PIEZO2: variants seen among roughly 807,000 people sequenced by gnomAD.
PIEZO2 encodes piezo-type mechanosensitive ion channel component 2.
A neutral mutation model predicts 337.3 loss-of-function variants in PIEZO2; 172 were observed. That is an observed-to-expected ratio of 0.51 (90% CI 0.45 to 0.58). PIEZO2 has a LOEUF of 0.58. Among genes scored for constraint, PIEZO2 ranks in the 20% least tolerant of loss-of-function variants. PIEZO2 has a pLI of 0.00. For missense variants in PIEZO2, 3,028 were observed against 3,391.3 expected (o/e 0.89, Z 2.66); for synonymous variants, 1,251 against 1,228.5 (o/e 1.02, Z -0.38).
At position 10,980,831 on chromosome 18, in the gene PIEZO2, A is replaced by G. The variant is rs139121515; in HGVS notation, c.161-1171T>C. 6.6e-6 allele frequency among the ~76,000 whole-genome samples: 1 copy of G among 152,230 alleles called. No individual in the cohort carries two copies. Among genetic ancestry groups the G allele is most frequent in the South Asian group, 2.1e-4 (1 of 4,830 alleles). The stretch of plus-strand genomic sequence containing the variant: ...GTAAATCACAGTTATTTAATCAAAT[A>G]CAAATCTAGGCACTGCTGTGAGTTT... On this transcript the variant is annotated intron_variant, in intron 2 of 55. Transcript: ENST00000674853. The surrounding 1 kb of genome is among the most constrained non-coding windows in gnomAD (Gnocchi z 4.8).
At chr18:10,851,023 G>A (rs544999801) in intron 7 of PIEZO2, among the ~76,000 whole-genome samples, 27 of 152,210 alleles carry the variant, frequency 1.8e-4, no homozygotes, top group Admixed American at 1.2e-3. Context: ...ATCTATCCAG[G>A]AAGTGAGACA....
intron 39 of PIEZO2, among the ~76,000 whole-genome samples, chr18:10,710,389 C>G (rs972220652): frequency 1.8e-4 from 28 of 152,218 alleles, no homozygotes; most frequent in African/African-American, 6.8e-4. Context: ...CGGGCCCCCC[C>G]ACTGCCAGCA....
At chr18:10,797,842 G>A (rs1598494815) in intron 11 of PIEZO2, among the ~76,000 whole-genome samples, 1 of 152,182 alleles carries the variant, frequency 6.6e-6, no homozygotes, top group East Asian at 1.9e-4. Context: ...CTCGAGTGTG[G>A]GTGGGACCTG....
Position 10,691,210 on chromosome 18 carries a change from T to C in PIEZO2, c.7349+15A>G. 6.2e-7 allele frequency: 1 copy of C among 1,610,558 alleles called. No individual in the cohort carries two copies. Among genetic ancestry groups the C allele is most frequent in the South Asian group, 1.1e-5 (1 of 90,236 alleles). ...CTTCCCCCATAAGTGACTGTGACGTTGCAGAGCGTCCTACCCTTGGAATAA... is the reference window on the plus strand; with the variant it reads ...CTTCCCCCATAAGTGACTGTGACGTCGCAGAGCGTCCTACCCTTGGAATAA... On this transcript the variant is annotated intron_variant, in intron 48 of 55. Coordinates refer to ENST00000674853, the MANE Select transcript of PIEZO2 (RefSeq NM_001378183.1).
intron 3 of PIEZO2, among the ~76,000 whole-genome samples, chr18:10,961,908 T>C (rs2145382143): frequency 6.6e-6 from 1 of 152,292 alleles, no homozygotes; most frequent in South Asian, 2.1e-4. Context: ...GGACTTTCCC[T>C]AGAGATCCAT....
chr18:10,688,135 T>A (rs2034634130), intron 49 of PIEZO2, among the ~76,000 whole-genome samples: 1 of 152,110 alleles, frequency 6.6e-6, no homozygotes, highest in Non-Finnish European at 1.5e-5. Context: ...TAGGTATTTG[T>A]CCTAATACTA....
intron 2 of PIEZO2, among the ~76,000 whole-genome samples, chr18:11,037,252 A>G (rs112572612): frequency 0.052 from 7,881 of 152,264 alleles, 263 homozygotes; most frequent in Middle Eastern, 0.095. Context: ...GTTTTGCAAC[A>G]CTTATTACAG....
intron 3 of PIEZO2, among the ~76,000 whole-genome samples, chr18:10,923,880 G>A (rs1472526550): frequency 6.6e-6 from 1 of 152,172 alleles, no homozygotes; most frequent in Non-Finnish European, 1.5e-5. Context: ...ATTGGGACAC[G>A]TGCTGTAGTT....
At position 10,962,259 on chromosome 18, in the gene PIEZO2, G is replaced by A. The variant is rs12960099; in HGVS notation, c.286+17276C>T. 0.21 allele frequency among the ~76,000 whole-genome samples: 31,194 copies of A among 152,120 alleles called. 4,034 individuals carry two copies. Among genetic ancestry groups the A allele is most frequent in the Non-Finnish European group, 0.29 (19,744 of 67,974 alleles). On this transcript the variant is annotated intron_variant, in intron 3 of 55. Transcript: ENST00000674853. The surrounding 1 kb of genome is among the most constrained non-coding windows in gnomAD (Gnocchi z 4.1). ...GCTACACTGGCAACAGGTTAAATAC[G>A]CAATCGTAGCCCTTCTCCCATCCAT...
intron 7 of PIEZO2, among the ~76,000 whole-genome samples, chr18:10,827,338 T>C (rs150912196): frequency 8.1e-4 from 124 of 152,344 alleles, no homozygotes; most frequent in African/African-American, 2.5e-3. Flanking sequence ...CACCCTTGTA[T>C]ATTCCTCAGT....
rs1298921198 is a variant in PIEZO2, at chr18:10,940,055, G to T, written c.287-28827C>A. Among the ~76,000 whole-genome samples the T allele has an allele frequency of 6.6e-6, 1 of 152,030 alleles. No individual in the cohort carries two copies. Among genetic ancestry groups the T allele is most frequent in the Non-Finnish European group, 1.5e-5 (1 of 68,004 alleles). ...TTAGTTCCTTATTATCTATACTCTG[G>T]GGACAGTGAGTTTCCCCTCATCAGA... On this transcript the variant is annotated intron_variant, in intron 3 of 55. Transcript: ENST00000674853. This position sits in a 1 kb window ranked among gnomAD's most constrained non-coding sequence, Gnocchi z 5.3.
chr18:10,965,302 C>T (rs1419670590), intron 3 of PIEZO2, among the ~76,000 whole-genome samples: 1 of 152,156 alleles, frequency 6.6e-6, no homozygotes, highest in African/African-American at 2.4e-5. Context: ...TATTGCCACG[C>T]TTTATTTTTT....
In PIEZO2 at chr18:11,035,330, TC is replaced by T. The variant is rs2036891871; in HGVS notation, c.160+30796del. ...CTCTCTCTCCCTCTCTCTCTCTCTCTCTCTTTCTCTCTCTCTCATTCCCTCT... is the reference window on the plus strand; with the variant it reads ...CTCTCTCTCCCTCTCTCTCTCTCTCTTCTTTCTCTCTCTCTCATTCCCTCT... On this transcript the variant is annotated intron_variant, in intron 2 of 55. Transcript: ENST00000674853. This position sits in a 1 kb window ranked among gnomAD's most constrained non-coding sequence, Gnocchi z 4.3. Among the ~76,000 whole-genome samples, 1 of 142,344 alleles carries T rather than the reference TC, an allele frequency of 7.0e-6. No individual in the cohort carries two copies. Among genetic ancestry groups the T allele is most frequent in the African/African-American group, 2.7e-5 (1 of 37,356 alleles). 93.4% of individuals were successfully genotyped at this position (142,344 alleles called of 152,430 possible).
At chr18:10,737,503 A>G (rs1190369538) in intron 33 of PIEZO2, among the ~76,000 whole-genome samples, 1 of 152,168 alleles carries the variant, frequency 6.6e-6, no homozygotes, top group South Asian at 2.1e-4. Context: ...CTGGTCAACA[A>G]GGAACTCCCC....
rs569827163 is a variant in PIEZO2 at position 10,850,097 on chromosome 18, C to T, written c.917+5256G>A. The stretch of plus-strand genomic sequence containing the variant: ...TATCTCTGTCACATAATAAGTCCTA[C>T]ATTTTGTTTTGGAAAATATGCTCGT... On this transcript the variant is annotated intron_variant, in intron 7 of 55. Coordinates refer to ENST00000674853, the MANE Select transcript of PIEZO2 (RefSeq NM_001378183.1). This position sits in a 1 kb window ranked among gnomAD's most constrained non-coding sequence, Gnocchi z 4.5. 3.9e-4 allele frequency among the ~76,000 whole-genome samples: 60 copies of T among 152,190 alleles called. No individual in the cohort carries two copies. Among genetic ancestry groups the T allele is most frequent in the Non-Finnish European group, 7.8e-4 (53 of 68,036 alleles).
chr18:11,049,334 A>G (rs76860166), intron 2 of PIEZO2, among the ~76,000 whole-genome samples: 2,361 of 152,312 alleles, frequency 0.016, 68 homozygotes, highest in African/African-American at 0.052. Context: ...TGGCAGAGCC[A>G]GATTAATATT....
At chr18:10,683,849 G>A (rs1390432509) in intron 49 of PIEZO2, among the ~76,000 whole-genome samples, 1 of 152,150 alleles carries the variant, frequency 6.6e-6, no homozygotes, top group Non-Finnish European at 1.5e-5. Flanking sequence ...CCTGAAGTGG[G>A]ACCACATTGG....
At chr18:10,688,196 C>T (rs1413369008) in intron 49 of PIEZO2, among the ~76,000 whole-genome samples, 1 of 152,026 alleles carries the variant, frequency 6.6e-6, no homozygotes, top group African/African-American at 2.4e-5. Context: ...GTGATGTTCC[C>T]CTCCCTGTGT....
intron 40 of PIEZO2, 99 bp from the exon 41 acceptor site, chr18:10,705,845 A>T: frequency 7.4e-7 from 1 of 1,358,192 alleles, no homozygotes; most frequent in South Asian, 1.5e-5. Context: ...CTCCTAAGGA[A>T]ATGCCCCATT....
Sources: gnomAD v4.1 joint callset for allele counts (sites outside exome capture counted in the v4.1 genomes callset) on GRCh38, gnomAD v4.1.1 for gene constraint, Gnocchi (gnomAD v3.1) non-coding constraint, MANE v1.5 for transcripts, NCBI Gene and HGNC (gene_info 2026-07-23, HGNC 2026-07-21) for gene names.